HS6ST3: variants seen among roughly 807,000 people sequenced by gnomAD.
HS6ST3 encodes the protein heparan-sulfate 6-O-sulfotransferase 3.
In HS6ST3, 12 loss-of-function variants were observed where a neutral mutation model predicts 36.7. The observed-to-expected ratio is 0.33, with a 90% CI of 0.21 to 0.53. The LOEUF (loss-of-function observed/expected upper bound fraction) is 0.53, where lower values mean the gene tolerates loss of function less well. HS6ST3 is among the 20% of genes least tolerant of loss of function. The probability of loss-of-function intolerance (pLI) is 0.95; values close to 1 mark genes in which losing one functional copy is unlikely to be tolerated. For missense variants in HS6ST3, 584 were observed against 640.9 expected (o/e 0.91, Z 0.96); for synonymous variants, 240 against 257.5 (o/e 0.93, Z 0.65).
At chr13:96,155,236 A>G (rs958594917) in intron 1 of HS6ST3, among the ~76,000 whole-genome samples, 2 of 152,186 alleles carry the variant, frequency 1.3e-5, no homozygotes, top group Non-Finnish European at 2.9e-5. Flanking sequence ...AGCCCAAATA[A>G]TAGTAGTGAT....
rs1048305614 is a variant in HS6ST3 at position 96,252,604 on chromosome 13, C to T, written c.707+161035C>T. On this transcript the variant is annotated intron_variant, in intron 1 of 1. Transcript: ENST00000376705. Reference sequence around the variant, plus strand: ...CAAAGTTGAGCCAGTTGCTCAGATACGCACTTTTGTTGAGATCCGTGTGCT... The same window carrying T: ...CAAAGTTGAGCCAGTTGCTCAGATATGCACTTTTGTTGAGATCCGTGTGCT... Among the ~76,000 whole-genome samples, 12 of 152,144 alleles carry T rather than the reference C, an allele frequency of 7.9e-5. 1 individual carries two copies. Among genetic ancestry groups the T allele is most frequent in the Admixed American group, 5.9e-4 (9 of 15,264 alleles).
rs749193416 is a variant in HS6ST3, at chr13:96,253,976, C to G, written c.707+162407C>G. 2.6e-4 allele frequency among the ~76,000 whole-genome samples: 40 copies of G among 152,076 alleles called. 1 individual carries two copies. The highest frequency in any genetic ancestry group is 1.4e-3 in the Admixed American group (21 of 15,274). ...TTACCAAAGAAATATGTGCTTATTA[C>G]TGAAATTTCAAACATGGCATAAATG... On this transcript the variant is annotated intron_variant, in intron 1 of 1. Transcript: ENST00000376705.
intron 1 of HS6ST3, among the ~76,000 whole-genome samples, chr13:96,502,807 T>C (rs1361913625): frequency 6.6e-6 from 1 of 152,142 alleles, no homozygotes; most frequent in Non-Finnish European, 1.5e-5. Flanking sequence ...CTATCTAAAA[T>C]ATTTTAGCCA....
chr13:96,548,041 C>G (rs1364533707), intron 1 of HS6ST3, among the ~76,000 whole-genome samples: 1 of 152,080 alleles, frequency 6.6e-6, no homozygotes, highest in African/African-American at 2.4e-5. Flanking sequence ...CAAACCTAAT[C>G]TTTTTACATT....
intron 1 of HS6ST3, among the ~76,000 whole-genome samples, chr13:96,105,066 GA>G (rs35882347): frequency 1.4e-3 from 194 of 137,408 alleles, no homozygotes; most frequent in African/African-American, 4.4e-3. Context: ...CATAAAGATG[GA>G]AAAAAAAAAA....
intron 1 of HS6ST3, among the ~76,000 whole-genome samples, chr13:96,749,061 A>G (rs1467392604): frequency 6.6e-6 from 1 of 152,140 alleles, no homozygotes; most frequent in Non-Finnish European, 1.5e-5. Context: ...AATTTCTCAC[A>G]AAACTAAAAT....
At chr13:96,795,197 A>G (rs1877880771) in intron 1 of HS6ST3, among the ~76,000 whole-genome samples, 1 of 151,988 alleles carries the variant, frequency 6.6e-6, no homozygotes, top group Non-Finnish European at 1.5e-5. Context: ...CAAAGTACAC[A>G]TTTATACACC....
intron 1 of HS6ST3, among the ~76,000 whole-genome samples, chr13:96,176,157 TAAAAC>T (rs928231630): frequency 4.6e-5 from 7 of 152,116 alleles, no homozygotes; most frequent in Admixed American, 6.5e-5. Context: ...GATTTTATAA[TAAAAC>T]AAATAACTTT....
intron 1 of HS6ST3, among the ~76,000 whole-genome samples, chr13:96,132,121 TACACACACACACACACACACACAC>T (rs60692669): frequency 2.0e-4 from 27 of 134,598 alleles, no homozygotes; most frequent in African/African-American, 5.8e-4. Context: ...AGTATTCCAG[TACACACACACACACACACACACAC>T]ACACACACAC....
At chr13:96,797,963 C>T (rs999971780) in intron 1 of HS6ST3, among the ~76,000 whole-genome samples, 2 of 151,994 alleles carry the variant, frequency 1.3e-5, no homozygotes, top group Admixed American at 6.6e-5. Flanking sequence ...TTCACAAGCT[C>T]CTACACCACA....
At chr13:96,324,006 A>T (rs769512983) in intron 1 of HS6ST3, among the ~76,000 whole-genome samples, 8 of 152,114 alleles carry the variant, frequency 5.3e-5, no homozygotes, top group Non-Finnish European at 1.2e-4. Context: ...CACAAAGGAT[A>T]TGAGGTGACA....
At chr13:96,819,725 A>G (rs902093824) in intron 1 of HS6ST3, among the ~76,000 whole-genome samples, 2 of 152,190 alleles carry the variant, frequency 1.3e-5, no homozygotes, top group African/African-American at 2.4e-5. Context: ...AAGAAGTCCC[A>G]GCTCTACTAC....
Position 96,150,285 on chromosome 13 carries a change from G to C in HS6ST3, c.707+58716G>C, listed in dbSNP as rs183531419. 5.2e-3 allele frequency among the ~76,000 whole-genome samples: 798 copies of C among 152,158 alleles called. 5 individuals carry two copies. Among genetic ancestry groups the C allele is most frequent in the Non-Finnish European group, 7.0e-3 (473 of 68,008 alleles). ...TGCTAATTGGTCCATGGGTGGTCTT[G>C]GGAAAAGCACAATTCGATTGGTTAA... On this transcript the variant is annotated intron_variant, in intron 1 of 1. Transcript: ENST00000376705.
chr13:96,412,358 G>A lies in HS6ST3; in HGVS notation c.707+320789G>A, dbSNP rs1254308940. ...GCAGAGGACTGAAACTGTCTTTGGG[G>A]CCCAGGAAGATGATCAAGATCAGAG... On this transcript the variant is annotated intron_variant, in intron 1 of 1. Transcript: ENST00000376705. Among the ~76,000 whole-genome samples the A allele has an allele frequency of 2.0e-5, 3 of 152,126 alleles. No individual in the cohort carries two copies. The East Asian group carries it at 5.8e-4, about 29-fold the overall frequency.
At chr13:96,504,588 GAGGGAGAGAAATCAGCTATGGTAC>G (rs1257717010) in intron 1 of HS6ST3, among the ~76,000 whole-genome samples, 57 of 152,194 alleles carry the variant, frequency 3.7e-4, no homozygotes, top group African/African-American at 1.3e-3. Flanking sequence ...GAGAGAGGAA[GAGGGAGAGAAATCAGCTATGGTAC>G]AGAATGATGG....
intron 1 of HS6ST3, among the ~76,000 whole-genome samples, chr13:96,637,833 G>A (rs1031693399): frequency 6.6e-6 from 1 of 151,972 alleles, no homozygotes; most frequent in African/African-American, 2.4e-5. Flanking sequence ...TTAAAATTTT[G>A]TCTTTGTTTT....
intron 1 of HS6ST3, among the ~76,000 whole-genome samples, chr13:96,779,893 T>C (rs1455372102): frequency 1.3e-5 from 2 of 152,128 alleles, no homozygotes; most frequent in Admixed American, 6.6e-5. Flanking sequence ...TCAAGATAGG[T>C]CATAACCTAT....
At chr13:96,796,569 G>A (rs550586711) in intron 1 of HS6ST3, among the ~76,000 whole-genome samples, 107 of 152,142 alleles carry the variant, frequency 7.0e-4, no homozygotes, top group Non-Finnish European at 1.3e-3. Flanking sequence ...AAAAGACATG[G>A]GCTTTGGTGA....
chr13:96,198,547 C>A lies in HS6ST3; in HGVS notation c.707+106978C>A, dbSNP rs890800305. On this transcript the variant is annotated intron_variant, in intron 1 of 1. Transcript: ENST00000376705. ...TGAATGCTTTGCTACTTAGAAATTT[C>A]TTCTGCCAGCTACCCTAAATTATCT... is the stretch of plus-strand genomic sequence containing the variant. 2.0e-5 allele frequency among the ~76,000 whole-genome samples: 3 copies of A among 152,192 alleles called. No homozygotes were observed. The East Asian group carries it at 5.8e-4, about 29-fold the overall frequency.
Sources: allele counts gnomAD v4.1 joint callset (sites outside exome capture counted in the v4.1 genomes callset), GRCh38; gene constraint gnomAD v4.1.1; transcripts MANE v1.5; gene names NCBI Gene and HGNC (gene_info 2026-07-23, HGNC 2026-07-21).